FICD: variants seen among roughly 807,000 people sequenced by gnomAD.
FICD encodes the protein FIC domain protein adenylyltransferase.
A neutral mutation model predicts 28.0 loss-of-function variants in FICD; 13 were observed. That is an observed-to-expected ratio of 0.46 (90% CI 0.30 to 0.74). The LOEUF (loss-of-function observed/expected upper bound fraction) is 0.74, where lower values mean the gene tolerates loss of function less well. Among genes scored for constraint, FICD ranks in the 30% least tolerant of loss-of-function variants. FICD has a pLI of 0.07. For synonymous variants in FICD, 268 were observed against 266.4 expected (o/e 1.01, Z -0.06); for missense variants, 576 against 624.5 (o/e 0.92, Z 0.83).
In FICD at chr12:108,518,474, CA is replaced by C; in HGVS notation, c.380del (p.Lys127SerfsTer41). On this transcript the variant is annotated frameshift_variant, in exon 3 of 3. Coordinates refer to ENST00000552695, the MANE Select transcript of FICD (RefSeq NM_007076.3). LOFTEE classifies it high-confidence loss of function. This position sits in a 1 kb window ranked among gnomAD's most constrained non-coding sequence, Gnocchi z 4.4. ...GCGCCAGGGCAAGCGGGAAAAAGCC[CA>C]AAAGCTCTTCATGCACGCCCTCAAG... ...MKRQGKREKA[Q>X]KLFMHALKMD... 1 of 1,614,174 alleles carries C rather than the reference CA, an allele frequency of 6.2e-7. No homozygotes were observed. The highest frequency in any genetic ancestry group is 8.5e-7 in the Non-Finnish European group (1 of 1,180,030).
At chr12:108,517,324 CAT>C (rs766675819) in intron 2 of FICD, 51 bp downstream of exon 2, 6 of 1,403,318 alleles carry the variant, frequency 4.3e-6, no homozygotes, top group Non-Finnish European at 3.8e-6. Context: ...GATAGACAGA[CAT>C]AGAATGTGTC....
chr12:108,519,580 C>A lies in FICD; in HGVS notation c.*105C>A. ...TTCCTAAAGCAAAAGGAGAAACATT[C>A]TTTACCTCCAAATGTTTTAGTTTTA... On this transcript the variant is annotated 3_prime_UTR_variant, in exon 3 of 3. Transcript: ENST00000552695. The surrounding 1 kb of genome is among the most constrained non-coding windows in gnomAD (Gnocchi z 4.5). 4 of 594,516 alleles carry A rather than the reference C, an allele frequency of 6.7e-6. No homozygotes were observed. The highest frequency in any genetic ancestry group is 1.1e-5 in the Non-Finnish European group (4 of 360,406). 36.8% of individuals were successfully genotyped at this position (594,516 alleles called of 1,614,324 possible). A position where few individuals can be genotyped will look rare whatever the true frequency, so the allele number is the denominator to read the frequency against.
In FICD at chr12:108,519,470, C is replaced by A. The variant is rs754057464; in HGVS notation, c.1372C>A (p.Pro458Thr). The change falls in exon 3 of 3, where the codon CCC becomes ACC. Residue 458 changes from proline to threonine, a missense_variant. Physicochemically the swap from Pro to Thr is conservative, Grantham distance 38. Transcript: ENST00000552695. The surrounding 1 kb of genome is among the most constrained non-coding windows in gnomAD (Gnocchi z 4.5). ...GTTCAAGGAGACGCTTCCTGTGAAGCCCTAACCCTAGAAATCCTCAGTGAC... is the reference window on the plus strand; with the variant it reads ...GTTCAAGGAGACGCTTCCTGTGAAGACCTAACCCTAGAAATCCTCAGTGAC... Reference protein sequence around the residue: ...SGFKETLPVKP With the variant: ...SGFKETLPVKT 2 of 1,602,088 alleles carry A rather than the reference C, an allele frequency of 1.2e-6. No homozygotes were observed. Among genetic ancestry groups the A allele is most frequent in the African/African-American group, 1.3e-5 (1 of 74,450 alleles).
At chr12:108,517,867 C>T (rs1469783544) in intron 2 of FICD, among the ~76,000 whole-genome samples, 1 of 152,180 alleles carries the variant, frequency 6.6e-6, no homozygotes, top group South Asian at 2.1e-4. Flanking sequence ...CACCAAATGT[C>T]CCCTGGGGCG....
rs147612703 is a variant in FICD at position 108,518,815 on chromosome 12, C to A, written c.717C>A (p.Thr239=). The part of the protein sequence containing the change: ...HTVAIEGNTL[T]LSEIRHILET... ...TGGCCATCGAGGGCAACACCCTCAC[C>A]CTCTCGGAAATCAGGCACATCCTGG... The change falls in exon 3 of 3, where the codon ACC becomes ACA. Residue 239 remains threonine (T), a synonymous_variant. Coordinates refer to ENST00000552695, the MANE Select transcript of FICD (RefSeq NM_007076.3). The surrounding 1 kb of genome is among the most constrained non-coding windows in gnomAD (Gnocchi z 4.4). 5,251 of 1,614,194 alleles carry A rather than the reference C, an allele frequency of 3.3e-3. 8 individuals carry two copies. Among genetic ancestry groups the A allele is most frequent in the Non-Finnish European group, 4.1e-3 (4,804 of 1,180,038 alleles).
At position 108,519,321 on chromosome 12, in the gene FICD, A is replaced by G. The variant is rs1437922486; in HGVS notation, c.1223A>G (p.Glu408Gly). Reference protein sequence around the residue: ...DYYHVLEAANEGDVRPFIRFI... With the variant: ...DYYHVLEAANGGDVRPFIRFI... ...TACCACGTGTTGGAAGCTGCCAACG[A>G]GGGCGACGTGAGGCCTTTCATTCGC... is the stretch of plus-strand genomic sequence containing the variant. The change falls in exon 3 of 3, where the codon GAG (glutamate) becomes GGG (glycine). Residue 408 changes from glutamate to glycine, a missense_variant. By Grantham distance (98) the Glu-to-Gly change is moderately conservative. Coordinates refer to ENST00000552695, the MANE Select transcript of FICD (RefSeq NM_007076.3). This position sits in a 1 kb window ranked among gnomAD's most constrained non-coding sequence, Gnocchi z 4.5. 2 of 1,614,246 alleles carry G rather than the reference A, an allele frequency of 1.2e-6. No homozygotes were observed. The highest frequency in any genetic ancestry group is 1.7e-6 in the Non-Finnish European group (2 of 1,180,036).
In FICD at chr12:108,516,906, T is replaced by G; in HGVS notation, c.-58-9T>G. 7.5e-7 allele frequency: 1 copy of G among 1,338,304 alleles called. No individual in the cohort carries two copies. 82.9% of individuals were successfully genotyped at this position (1,338,304 alleles called of 1,614,324 possible). ...GTCTGTTTCTCCTGCGACTCTTGGC[T>G]CCTTGCAGATCCTGCTCTCTCTCAG... On this transcript the variant is annotated splice_polypyrimidine_tract_variant and intron_variant, in intron 1 of 2. Transcript: ENST00000552695.
chr12:108,518,363 C>T lies in FICD; in HGVS notation c.302-37C>T, dbSNP rs1473443273. ...CCCCGAATGTCCTCTGCCCCCTAGC[C>T]TCCCTCCCTCACAGCGCTTCTTTGG... is the stretch of plus-strand genomic sequence containing the variant. On this transcript the variant is annotated intron_variant, in intron 2 of 2. Coordinates refer to ENST00000552695, the MANE Select transcript of FICD (RefSeq NM_007076.3). The surrounding 1 kb of genome is among the most constrained non-coding windows in gnomAD (Gnocchi z 4.4). 1.3e-6 allele frequency: 2 copies of T among 1,575,656 alleles called. No individual in the cohort carries two copies. The highest frequency in any genetic ancestry group is 1.3e-5 in the African/African-American group (1 of 74,320).
At position 108,519,608 on chromosome 12, in the gene FICD, A is replaced by G. The variant is rs1220682610; in HGVS notation, c.*133A>G. 5 of 583,188 alleles carry G rather than the reference A, an allele frequency of 8.6e-6. No individual in the cohort carries two copies. The highest frequency in any genetic ancestry group is 1.5e-5 in the Non-Finnish European group (5 of 341,422). 36.1% of individuals were successfully genotyped at this position (583,188 alleles called of 1,614,324 possible). A position where few individuals can be genotyped will look rare whatever the true frequency, so the allele number is the denominator to read the frequency against. On this transcript the variant is annotated 3_prime_UTR_variant, in exon 3 of 3. Coordinates refer to ENST00000552695, the MANE Select transcript of FICD (RefSeq NM_007076.3). The surrounding 1 kb of genome is among the most constrained non-coding windows in gnomAD (Gnocchi z 4.5). ...TACCTCCAAATGTTTTAGTTTTAAA[A>G]AAAAAAAAAAACTAAGTTATGAAGC...
rs770287067 is a variant in FICD at position 108,519,090 on chromosome 12, T to G, written c.992T>G (p.Met331Arg). The stretch of plus-strand genomic sequence containing the variant: ...CATCCGCAGGATGTGGAAAAGCAGA[T>G]GCAGGAGTTTGTACAGTGGCTCAAC... ...PPHPQDVEKQ[M>R]QEFVQWLNSE... The change falls in exon 3 of 3, where the codon ATG becomes AGG. Residue 331 changes from methionine to arginine, a missense_variant. Met to Arg is a moderately conservative substitution (Grantham distance 91). Transcript: ENST00000552695. This position sits in a 1 kb window ranked among gnomAD's most constrained non-coding sequence, Gnocchi z 4.5. 1.2e-6 allele frequency: 2 copies of G among 1,614,214 alleles called. No homozygotes were observed. The highest frequency in any genetic ancestry group is 2.2e-5 in the East Asian group (1 of 44,876).
rs1177456354 is a variant in FICD, at chr12:108,519,379, C to T, written c.1281C>T (p.Asp427=). ...CCAAGTGTACTGAGACCACCCTGGA[C>T]ACCCTGCTTTTTGCCACAACTGAGT... ...FIAKCTETTL[D]TLLFATTEYS... The change falls in exon 3 of 3, where the codon GAC becomes GAT. Residue 427 remains aspartate, a synonymous_variant. Coordinates refer to ENST00000552695, the MANE Select transcript of FICD (RefSeq NM_007076.3). The surrounding 1 kb of genome is among the most constrained non-coding windows in gnomAD (Gnocchi z 4.5). 1.2e-6 allele frequency: 2 copies of T among 1,614,016 alleles called. No individual in the cohort carries two copies. The highest frequency in any genetic ancestry group is 2.7e-5 in the African/African-American group (2 of 74,912).
In FICD at chr12:108,518,881, G is replaced by C. The variant is rs745535049; in HGVS notation, c.783G>C (p.Gln261His). 6.2e-7 allele frequency: 1 copy of C among 1,614,178 alleles called. No homozygotes were observed. Among genetic ancestry groups the C allele is most frequent in the Non-Finnish European group, 8.5e-7 (1 of 1,180,038 alleles). Reference sequence around the variant, plus strand: ...TGCCCGGGAAGAGCCTGGAGGAGCAGAACGAGGTCATAGGCATGCATGCAG... The same window carrying C: ...TGCCCGGGAAGAGCCTGGAGGAGCACAACGAGGTCATAGGCATGCATGCAG... ...YAVPGKSLEE[Q>H]NEVIGMHAAM... is the part of the protein sequence containing the mutation. The change falls in exon 3 of 3, where the codon CAG becomes CAC. Residue 261 changes from glutamine to histidine, a missense_variant. By Grantham distance (24) the Gln-to-His change is conservative. Transcript: ENST00000552695. The surrounding 1 kb of genome is among the most constrained non-coding windows in gnomAD (Gnocchi z 4.4).
Position 108,518,740 on chromosome 12 carries a change from T to C in FICD, c.642T>C (p.Ala214=). The change falls in exon 3 of 3, where the codon GCT becomes GCC. Residue 214 remains alanine, a synonymous_variant. Transcript: ENST00000552695. This position sits in a 1 kb window ranked among gnomAD's most constrained non-coding sequence, Gnocchi z 4.4. ...TGTCCATCCCCAAGGGGAACTCAGC[T>C]CTGCGCAGGGTCATGGAGGAGACCT... ...KVMSIPKGNS[A]LRRVMEETYY... is the part of the protein sequence containing the mutation. The C allele has an allele frequency of 6.2e-7, 1 of 1,614,144 alleles. No homozygotes were observed. Among genetic ancestry groups the C allele is most frequent in the Non-Finnish European group, 8.5e-7 (1 of 1,180,032 alleles).
In FICD at chr12:108,517,238, C is replaced by T. The variant is rs201987704; in HGVS notation, c.266C>T (p.Ala89Val). The T allele has an allele frequency of 2.4e-5, 37 of 1,545,492 alleles. No individual in the cohort carries two copies. Among genetic ancestry groups the T allele is most frequent in the Non-Finnish European group, 2.8e-5 (32 of 1,145,256 alleles). ...STELSITSRG[A>V]TLLVAKTKAS... ...GAGCTCAGCATCACCTCCAGGGGCG[C>T]GACGCTGCTGGTGGCCAAGACCAAG... is the stretch of plus-strand genomic sequence containing the variant. Residue 89 changes from alanine (A) to valine (V), a missense_variant, in exon 2 of 3, where the codon GCG becomes GTG. Physicochemically the swap from Ala to Val is moderately conservative, Grantham distance 64. Transcript: ENST00000552695.
chr12:108,519,311 G>A lies in FICD; in HGVS notation c.1213G>A (p.Ala405Thr), dbSNP rs1224964223. Residue 405 changes from alanine (A) to threonine (T), a missense_variant, in exon 3 of 3, where the codon GCT (alanine) becomes ACT (threonine). By Grantham distance (58) the Ala-to-Thr change is moderately conservative. Transcript: ENST00000552695. This position sits in a 1 kb window ranked among gnomAD's most constrained non-coding sequence, Gnocchi z 4.5. ...QRSDYYHVLE[A>T]ANEGDVRPFI... Reference sequence around the variant, plus strand: ...GTCCGACTACTACCACGTGTTGGAAGCTGCCAACGAGGGCGACGTGAGGCC... The same window carrying A: ...GTCCGACTACTACCACGTGTTGGAAACTGCCAACGAGGGCGACGTGAGGCC... 2.5e-6 allele frequency: 4 copies of A among 1,614,240 alleles called. No homozygotes were observed. In the Admixed American group the frequency reaches 5.0e-5, roughly 20 times the overall value.
rs1325268551 is a variant in FICD, at chr12:108,520,358, T to C, written c.*883T>C. ...CCCTCACCCCTCTGCCTGAGTTTTCTGTAGGCAGATGTTAACCTGAGAAAA... is the reference window on the plus strand; with the variant it reads ...CCCTCACCCCTCTGCCTGAGTTTTCCGTAGGCAGATGTTAACCTGAGAAAA... On this transcript the variant is annotated 3_prime_UTR_variant, in exon 3 of 3. Transcript: ENST00000552695. The C allele has an allele frequency of 6.6e-6, 1 of 152,218 alleles. No homozygotes were observed. Among genetic ancestry groups the C allele is most frequent in the Non-Finnish European group, 1.5e-5 (1 of 68,040 alleles). The allele number at this position is 152,218 out of a possible 1,614,324, so 9.4% of individuals were successfully genotyped here.
rs1433741546 is a variant in FICD, at chr12:108,518,525, C to G, written c.427C>G (p.Leu143Val). Residue 143 changes from leucine to valine, a missense_variant, in exon 3 of 3, where the codon CTC (leucine) becomes GTC (valine). Physicochemically the swap from Leu to Val is conservative, Grantham distance 32. Coordinates refer to ENST00000552695, the MANE Select transcript of FICD (RefSeq NM_007076.3). This position sits in a 1 kb window ranked among gnomAD's most constrained non-coding sequence, Gnocchi z 4.4. ...LKMDPDFVDALTEFGIFSEED... is the reference protein window; with the variant it reads ...LKMDPDFVDAVTEFGIFSEED... ...GATGGACCCGGACTTCGTGGACGCG[C>G]TCACCGAGTTTGGCATCTTCTCGGA... The G allele has an allele frequency of 6.2e-7, 1 of 1,614,186 alleles. No homozygotes were observed. The highest frequency in any genetic ancestry group is 1.7e-5 in the Admixed American group (1 of 60,032).
Position 108,518,726 on chromosome 12 carries a change from A to G in FICD, c.628A>G (p.Lys210Glu), listed in dbSNP as rs1872001092. 6.8e-6 allele frequency: 11 copies of G among 1,614,104 alleles called. 1 individual carries two copies. The Middle Eastern group carries it at 1.6e-3, about 242-fold the overall frequency. ...SKVKKVMSIP[K>E]GNSALRRVME... ...AGTGAAGAAGGTCATGTCCATCCCC[A>G]AGGGGAACTCAGCTCTGCGCAGGGT... Residue 210 changes from lysine (K) to glutamate (E), a missense_variant, in exon 3 of 3, where the codon AAG becomes GAG. Transcript: ENST00000552695. This position sits in a 1 kb window ranked among gnomAD's most constrained non-coding sequence, Gnocchi z 4.4.
rs749607127 is a variant in FICD, at chr12:108,516,991, G to GCTTCAGTGATGGCGGTGA, written c.22_39dup (p.Ser8_Thr13dup). 2.7e-5 allele frequency: 41 copies of GCTTCAGTGATGGCGGTGA among 1,519,476 alleles called. No homozygotes were observed. In the Admixed American group the frequency reaches 2.9e-4, roughly 11 times the overall value. 94.1% of individuals were successfully genotyped at this position (1,519,476 alleles called of 1,614,324 possible). A position where few individuals can be genotyped will look rare whatever the true frequency, so the allele number is the denominator to read the frequency against. ...AGTCCAGATGATGCTCATACCAATG[G>GCTTCAGTGATGGCGGTGA]CTTCAGTGATGGCGGTGACTGAACC... On this transcript the variant is annotated inframe_insertion, in exon 2 of 3. Coordinates refer to ENST00000552695, the MANE Select transcript of FICD (RefSeq NM_007076.3).
Sources: gnomAD v4.1 joint callset for allele counts (sites outside exome capture counted in the v4.1 genomes callset) on GRCh38, gnomAD v4.1.1 for gene constraint, Gnocchi (gnomAD v3.1) non-coding constraint, MANE v1.5 for transcripts, NCBI Gene and HGNC (gene_info 2026-07-23, HGNC 2026-07-21) for gene names.